CYYR1: variants seen among roughly 807,000 people sequenced by gnomAD.
The protein encoded by CYYR1 is cysteine and tyrosine-rich protein 1.
A neutral mutation model predicts 15.2 loss-of-function variants in CYYR1; 14 were observed. That is an observed-to-expected ratio of 0.92 (90% CI 0.61 to 1.44). The LOEUF (loss-of-function observed/expected upper bound fraction) is 1.44. Ranked by LOEUF, CYYR1 falls within the 40% of genes most tolerant of loss-of-function variation. The pLI is 0.00. For missense variants in CYYR1, 228 were observed against 209.5 expected (o/e 1.09, Z -0.54); for synonymous variants, 80 against 77.4 (o/e 1.03, Z -0.18).
intron 3 of CYYR1, among the ~76,000 whole-genome samples, chr21:26,479,868 T>C (rs114050644): frequency 1.3e-5 from 2 of 152,146 alleles, no homozygotes; most frequent in Non-Finnish European, 2.9e-5. Context: ...TGAAGATATA[T>C]GAAAATTTTC....
chr21:26,485,740 T>C (rs11088000), intron 2 of CYYR1, among the ~76,000 whole-genome samples: 38,348 of 152,006 alleles, frequency 0.25, 5,307 homozygotes, highest in Non-Finnish European at 0.31. Flanking sequence ...GGCATTTTGG[T>C]TTGACAAATA....
At chr21:26,553,319 T>G (rs1979527379) in intron 2 of CYYR1, among the ~76,000 whole-genome samples, 1 of 152,128 alleles carries the variant, frequency 6.6e-6, no homozygotes, top group Non-Finnish European at 1.5e-5. Flanking sequence ...GGGTGTGAAT[T>G]TCATTGGGTT....
chr21:26,504,673 TTTAAG>T (rs1395285109), intron 2 of CYYR1, among the ~76,000 whole-genome samples: 1 of 152,188 alleles, frequency 6.6e-6, no homozygotes, highest in African/African-American at 2.4e-5. Context: ...AATTACATTC[TTTAAG>T]TTATTTTAAA....
intron 2 of CYYR1, among the ~76,000 whole-genome samples, chr21:26,548,198 T>C (rs768283087): frequency 7.9e-5 from 12 of 152,216 alleles, no homozygotes; most frequent in Non-Finnish European, 1.2e-4. Context: ...ATATTTACCA[T>C]GGTAATTTAA....
At chr21:26,476,434 T>A (rs2065103699) in intron 3 of CYYR1, among the ~76,000 whole-genome samples, 1 of 152,150 alleles carries the variant, frequency 6.6e-6, no homozygotes, top group South Asian at 2.1e-4. Context: ...AGATTTAGCA[T>A]CGGTTGATGA....
At chr21:26,517,259 G>A (rs2065744323) in intron 2 of CYYR1, among the ~76,000 whole-genome samples, 1 of 151,612 alleles carries the variant, frequency 6.6e-6, no homozygotes. Context: ...TCTATAGTAG[G>A]ATTAGTCAAG....
At chr21:26,470,098 A>G (rs2830240) in intron 3 of CYYR1, among the ~76,000 whole-genome samples, 9,037 of 152,210 alleles carry the variant, frequency 0.059, 924 homozygotes, top group African/African-American at 0.21. Flanking sequence ...ATAATAATGC[A>G]AATAAGTGGG....
chr21:26,515,822 TA>T (rs2065720491), intron 2 of CYYR1, among the ~76,000 whole-genome samples: 1 of 152,190 alleles, frequency 6.6e-6, no homozygotes, highest in African/African-American at 2.4e-5. Flanking sequence ...TTTTAAGTAC[TA>T]AAAAAAGGCA....
intron 2 of CYYR1, among the ~76,000 whole-genome samples, chr21:26,501,883 T>C (rs1026647567): frequency 1.3e-5 from 2 of 152,290 alleles, no homozygotes; most frequent in South Asian, 4.2e-4. Flanking sequence ...ATTAAAAGTG[T>C]CAAAGGATAA....
intron 2 of CYYR1, among the ~76,000 whole-genome samples, chr21:26,514,417 G>A (rs1601777562): frequency 1.3e-5 from 2 of 152,138 alleles, no homozygotes; most frequent in African/African-American, 4.8e-5. Context: ...CCCTGCTCTT[G>A]CTTCCTCTAT....
At chr21:26,498,689 A>G (rs2065440421) in intron 2 of CYYR1, among the ~76,000 whole-genome samples, 1 of 152,232 alleles carries the variant, frequency 6.6e-6, no homozygotes, top group African/African-American at 2.4e-5. Context: ...TGGGTAATTT[A>G]TAAAGCAAAG....
intron 2 of CYYR1, among the ~76,000 whole-genome samples, chr21:26,527,446 A>G (rs1164317720): frequency 6.6e-6 from 1 of 152,226 alleles, no homozygotes; most frequent in African/African-American, 2.4e-5. Flanking sequence ...AGTGCTGTAC[A>G]AACCTCAAAG....
Position 26,553,958 on chromosome 21 carries a change from A to G in CYYR1, c.176+12308T>C, listed in dbSNP as rs575563818. On this transcript the variant is annotated intron_variant, in intron 2 of 3. Coordinates refer to ENST00000652641, the MANE Select transcript of CYYR1 (RefSeq NM_001320768.2). Reference sequence around the variant, plus strand: ...TCAATGACTTTTTATTTGGCATGCCATCTGGCATTTATTTGCTTCCACTGA... The same window carrying G: ...TCAATGACTTTTTATTTGGCATGCCGTCTGGCATTTATTTGCTTCCACTGA... Among the ~76,000 whole-genome samples the G allele has an allele frequency of 2.6e-5, 4 of 152,328 alleles. No individual in the cohort carries two copies. In the South Asian group the frequency reaches 8.3e-4, roughly 32 times the overall value.
intron 2 of CYYR1, among the ~76,000 whole-genome samples, chr21:26,536,445 T>C (rs146018448): frequency 7.8e-4 from 119 of 152,288 alleles, no homozygotes; most frequent in African/African-American, 2.8e-3. Flanking sequence ...ATTATAACAT[T>C]TCAAAATCAG....
chr21:26,572,005 A>G lies in CYYR1; in HGVS notation c.73+863T>C, dbSNP rs532049316. On this transcript the variant is annotated intron_variant, in intron 1 of 3. Coordinates refer to ENST00000652641, the MANE Select transcript of CYYR1 (RefSeq NM_001320768.2). ...ACTGAAGAACATCATTTCAGTTGCA[A>G]TATCTTTTTGAGTATCAAAGGTAAA... Among the ~76,000 whole-genome samples the G allele has an allele frequency of 5.3e-5, 8 of 152,358 alleles. No homozygotes were observed. In the East Asian group the frequency reaches 1.5e-3, roughly 29 times the overall value.
intron 3 of CYYR1, among the ~76,000 whole-genome samples, chr21:26,476,922 G>A (rs1044177316): frequency 2.6e-5 from 4 of 152,086 alleles, no homozygotes; most frequent in Admixed American, 6.6e-5. Flanking sequence ...TTGCCTTCAT[G>A]TGGACAATTT....
At position 26,535,065 on chromosome 21, in the gene CYYR1, C is replaced by A. The variant is rs1285220717; in HGVS notation, c.176+31201G>T. On this transcript the variant is annotated intron_variant, in intron 2 of 3. Transcript: ENST00000652641. ...TATTTCCCACAGTTCATTGGAAATTCATCTCTTGGCAAGAATATACACCGG... is the reference window on the plus strand; with the variant it reads ...TATTTCCCACAGTTCATTGGAAATTAATCTCTTGGCAAGAATATACACCGG... Among the ~76,000 whole-genome samples the A allele has an allele frequency of 2.6e-5, 4 of 152,110 alleles. No individual in the cohort carries two copies. In the East Asian group the frequency reaches 7.7e-4, roughly 29 times the overall value.
At chr21:26,499,427 T>G (rs1415563037) in intron 2 of CYYR1, among the ~76,000 whole-genome samples, 7 of 152,266 alleles carry the variant, frequency 4.6e-5, no homozygotes, top group Non-Finnish European at 7.3e-5. Context: ...AGTATGGCTC[T>G]GCTGACACAC....
rs142060580 is a variant in CYYR1, at chr21:26,468,020, T to C, written c.*481A>G. The C allele has an allele frequency of 6.4e-3, 1,380 of 214,210 alleles. 18 individuals carry two copies. The highest frequency in any genetic ancestry group is 0.011 in the Middle Eastern group (6 of 532). The allele number at this position is 214,210 out of a possible 1,614,324, so 13.3% of individuals were successfully genotyped here. A position where few individuals can be genotyped will look rare whatever the true frequency, so the allele number is the denominator to read the frequency against. On this transcript the variant is annotated 3_prime_UTR_variant, in exon 4 of 4. Transcript: ENST00000652641. ...AGGACCTCAAACAGTGCTAGGCACATAGTAAACTCTTAGGCACTCAAAATA... is the reference window on the plus strand; with the variant it reads ...AGGACCTCAAACAGTGCTAGGCACACAGTAAACTCTTAGGCACTCAAAATA...
Sources: allele counts gnomAD v4.1 joint callset (sites outside exome capture counted in the v4.1 genomes callset), GRCh38; gene constraint gnomAD v4.1.1; transcripts MANE v1.5; gene names NCBI Gene and HGNC (gene_info 2026-07-23, HGNC 2026-07-21).